Variants in SUPT3H observed in about 807,000 individuals in gnomAD.
SUPT3H encodes transcription initiation protein SPT3 homolog.
A neutral mutation model predicts 44.3 loss-of-function variants in SUPT3H; 44 were observed. The observed-to-expected ratio is 0.99, with a 90% CI of 0.78 to 1.28. The LOEUF (loss-of-function observed/expected upper bound fraction) is 1.28, where lower values mean the gene tolerates loss of function less well. SUPT3H is among the 50% of genes most tolerant of loss of function. The probability of loss-of-function intolerance (pLI) is 0.00; values close to 1 mark genes in which losing one functional copy is unlikely to be tolerated. For missense variants in SUPT3H, 380 were observed against 387.1 expected (o/e 0.98, Z 0.15); for synonymous variants, 124 against 125.6 (o/e 0.99, Z 0.09).
intron 3 of SUPT3H, among the ~76,000 whole-genome samples, chr6:45,082,533 A>G (rs552653749): frequency 6.6e-6 from 1 of 152,328 alleles, no homozygotes; most frequent in Non-Finnish European, 1.5e-5. Context: ...AAACAGAATT[A>G]AAAACAAAAA....
At chr6:44,822,172 G>T (rs76789091), downstream of SUPT3H, among the ~76,000 whole-genome samples, 66 of 152,202 alleles carry the variant, frequency 4.3e-4, no homozygotes, top group East Asian at 0.011. Flanking sequence ...TTCCCCTCAG[G>T]CTCACTGTTT....
chr6:45,077,411 A>G (rs1795137711), intron 3 of SUPT3H, among the ~76,000 whole-genome samples: 1 of 151,926 alleles, frequency 6.6e-6, no homozygotes, highest in African/African-American at 2.4e-5. Flanking sequence ...AGGATCGCTT[A>G]AGTCCAGGAG....
intron 2 of SUPT3H, among the ~76,000 whole-genome samples, chr6:45,248,987 T>C (rs1411826626): frequency 1.3e-5 from 2 of 151,976 alleles, no homozygotes; most frequent in Non-Finnish European, 2.9e-5. Context: ...GGAAAAAAAT[T>C]TGGCAGTTTC....
chr6:44,973,629 A>C (rs1391481573), intron 6 of SUPT3H, among the ~76,000 whole-genome samples: 1 of 152,126 alleles, frequency 6.6e-6, no homozygotes, highest in African/African-American at 2.4e-5. Context: ...ACAGCAGCAC[A>C]CCACTACCTG....
chr6:45,168,133 G>A (rs1374820007), intron 2 of SUPT3H, among the ~76,000 whole-genome samples: 1 of 151,772 alleles, frequency 6.6e-6, no homozygotes, highest in Non-Finnish European at 1.5e-5. Context: ...TACATCATAT[G>A]AAAGTGTACC....
At chr6:44,962,331 TTAATCTGAGTCCAGGTATG>T (rs1241324523) in intron 6 of SUPT3H, among the ~76,000 whole-genome samples, 1 of 152,216 alleles carries the variant, frequency 6.6e-6, no homozygotes, top group Non-Finnish European at 1.5e-5. Context: ...TACAGATCCT[TTAATCTGAGTCCAGGTATG>T]ATTCATTTGG....
Position 45,072,829 on chromosome 6 carries a change from C to T in SUPT3H, c.186+33093G>A, listed in dbSNP as rs531193642. ...CCTGGGTTTTAATCTGAGGCACTGA[C>T]ACCTTCTTCAAACTTGGATACTGGC... On this transcript the variant is annotated intron_variant, in intron 3 of 10. Transcript: ENST00000371459. 2.6e-5 allele frequency among the ~76,000 whole-genome samples: 4 copies of T among 152,128 alleles called. No homozygotes were observed. In the South Asian group the frequency reaches 6.2e-4, roughly 24 times the overall value.
chr6:45,036,134 C>T (rs1398727835), intron 3 of SUPT3H, among the ~76,000 whole-genome samples: 1 of 152,108 alleles, frequency 6.6e-6, no homozygotes, highest in Admixed American at 6.6e-5. Context: ...TGTCATGAAG[C>T]TTATCGTTTA....
intron 2 of SUPT3H, among the ~76,000 whole-genome samples, chr6:45,254,065 AT>A (rs1170691048): frequency 6.6e-6 from 1 of 151,828 alleles, no homozygotes; most frequent in Non-Finnish European, 1.5e-5. Context: ...ATATGTTTAT[AT>A]TTTATATCTT....
chr6:45,158,299 T>TATATATATATATATAA (rs1491302388), intron 2 of SUPT3H, among the ~76,000 whole-genome samples: 1 of 13,422 alleles, frequency 7.5e-5, no homozygotes, highest in African/African-American at 2.4e-4. Flanking sequence ...TATATATATA[T>TATATATATATATATAA]TTTTTTTTTT....
intron 2 of SUPT3H, among the ~76,000 whole-genome samples, chr6:45,151,677 T>C (rs1406346736): frequency 6.6e-6 from 1 of 152,190 alleles, no homozygotes; most frequent in East Asian, 1.9e-4. Context: ...AAAATGTAAT[T>C]CTAATTCATA....
At chr6:45,045,187 T>C (rs1789181367) in intron 3 of SUPT3H, among the ~76,000 whole-genome samples, 1 of 152,056 alleles carries the variant, frequency 6.6e-6, no homozygotes, top group Non-Finnish European at 1.5e-5. Context: ...ACCTTAGAAT[T>C]TCAAGAAACC....
chr6:44,920,197 C>T (rs1290053342), intron 10 of SUPT3H, among the ~76,000 whole-genome samples: 2 of 150,626 alleles, frequency 1.3e-5, no homozygotes. Flanking sequence ...TTATATTTTT[C>T]TACAACACAG....
At chr6:44,820,381 A>G (rs1767217839) in intron 11 of SUPT3H, among the ~76,000 whole-genome samples, 1 of 152,206 alleles carries the variant, frequency 6.6e-6, no homozygotes, top group African/African-American at 2.4e-5. Context: ...TAAAAGAGTT[A>G]TGTTGAAAAA....
intron 3 of SUPT3H, among the ~76,000 whole-genome samples, chr6:45,064,912 G>C (rs796778539): frequency 4.8e-5 from 7 of 146,932 alleles, no homozygotes; most frequent in Non-Finnish European, 9.0e-5. Flanking sequence ...GAGACAGAAA[G>C]TCAACAAGGA....
At chr6:45,011,363 T>A (rs1392914900) in intron 5 of SUPT3H, among the ~76,000 whole-genome samples, 1 of 152,124 alleles carries the variant, frequency 6.6e-6, no homozygotes, top group Non-Finnish European at 1.5e-5. Flanking sequence ...TATTGTCCTG[T>A]TCAGATTTTC....
intron 9 of SUPT3H, among the ~76,000 whole-genome samples, chr6:44,938,138 T>C (rs1438576051): frequency 6.6e-6 from 1 of 151,960 alleles, no homozygotes; most frequent in East Asian, 1.9e-4. Flanking sequence ...TAGTCATGAA[T>C]TCTTCACCTA....
chr6:45,187,147 G>T (rs1019543792), intron 2 of SUPT3H, among the ~76,000 whole-genome samples: 1 of 148,078 alleles, frequency 6.8e-6, no homozygotes. Context: ...AGATGCAGTG[G>T]CTCATGCCTG....
At chr6:44,850,173 T>G (rs367894057) in intron 10 of SUPT3H, among the ~76,000 whole-genome samples, 9 of 152,324 alleles carry the variant, frequency 5.9e-5, no homozygotes, top group Non-Finnish European at 2.9e-5. Flanking sequence ...AATGTAAGAA[T>G]GCACTAATGA....
Sources: allele counts gnomAD v4.1 joint callset (sites outside exome capture counted in the v4.1 genomes callset), GRCh38; gene constraint gnomAD v4.1.1; transcripts MANE v1.5; gene names NCBI Gene and HGNC (gene_info 2026-07-23, HGNC 2026-07-21).